Variants in PKN2 observed in about 807,000 individuals in gnomAD.
The protein encoded by PKN2 is serine/threonine-protein kinase N2.
A neutral mutation model predicts 119.1 loss-of-function variants in PKN2; 38 were observed. That is an observed-to-expected ratio of 0.32 (90% confidence interval 0.25 to 0.42). The LOEUF is 0.42. PKN2 is among the 10% of genes least tolerant of loss of function. The pLI is 1.00. For synonymous variants in PKN2, 390 were observed against 384.9 expected (o/e 1.01, Z -0.15); for missense variants, 850 against 1,165.1 (o/e 0.73, Z 3.94).
chr1:88,823,435 C>T (rs967503862), intron 17 of PKN2, among the ~76,000 whole-genome samples: 6 of 151,986 alleles, frequency 3.9e-5, no homozygotes, highest in Admixed American at 6.6e-5. Flanking sequence ...GGTGCAGTGG[C>T]TCATACCTGT....
chr1:88,760,646 GT>G lies in PKN2; in HGVS notation c.504+278del, dbSNP rs941013713. On this transcript the variant is annotated intron_variant, in intron 3 of 21. Transcript: ENST00000370521. Reference sequence around the variant, plus strand: ...TCCTTTTTCAGATATATTTAGTGCTGTTTTTTTTCACATTTTTGTGCTTTTA... The same window carrying G: ...TCCTTTTTCAGATATATTTAGTGCTGTTTTTTTCACATTTTTGTGCTTTTA... Among the ~76,000 whole-genome samples the G allele has an allele frequency of 1.2e-4, 18 of 151,444 alleles. 1 individual carries two copies. Among genetic ancestry groups the G allele is most frequent in the Admixed American group, 6.6e-4 (10 of 15,188 alleles).
At chr1:88,770,556 A>T in intron 4 of PKN2, 87 bp downstream of exon 4, 1 of 706,592 alleles carries the variant, frequency 1.4e-6, no homozygotes, top group Non-Finnish European at 2.5e-6. Flanking sequence ...CAAAGTTAAG[A>T]GGGAGGAAGC....
chr1:88,715,473 A>C lies in PKN2; in HGVS notation c.49-25515A>C, dbSNP rs377633398. ...TGTTATTGGTCTATTCAGGGATTCA[A>C]CTTCTTCCTGGTTTAGTCTTGGGAG... On this transcript the variant is annotated intron_variant, in intron 1 of 21. Coordinates refer to ENST00000370521, the MANE Select transcript of PKN2 (RefSeq NM_006256.4). Among the ~76,000 whole-genome samples, 51 of 152,228 alleles carry C rather than the reference A, an allele frequency of 3.4e-4. No individual in the cohort carries two copies. In the East Asian group the frequency reaches 4.1e-3, roughly 12 times the overall value.
At chr1:88,741,426 G>A in intron 2 of PKN2, 138 bp downstream of exon 2, 1 of 547,244 alleles carries the variant, frequency 1.8e-6, no homozygotes, top group Non-Finnish European at 3.0e-6. Context: ...TTTGGTTAAG[G>A]TCTTATTTAT....
rs769986492 is a variant in PKN2, at chr1:88,804,431, G to A, written c.1322G>A (p.Arg441Gln). 4 of 1,612,184 alleles carry A rather than the reference G, an allele frequency of 2.5e-6. No individual in the cohort carries two copies. Among genetic ancestry groups the A allele is most frequent in the East Asian group, 2.2e-5 (1 of 44,820 alleles). The change falls in exon 9 of 22, where the codon CGG (arginine) becomes CAG (glutamine). Residue 441 changes from arginine to glutamine, a missense_variant. Physicochemically the swap from Arg to Gln is conservative, Grantham distance 43. Around this residue, in one of 9 missense-constraint regions of PKN2, gnomAD observed 350 missense variants for 511.1 expected, o/e 0.68. Transcript: ENST00000370521. ...LEISVYWRDW[R>Q]SLCAVKFLRL... ...ATTTCAGTTTATTGGCGTGATTGGC[G>A]GTCTCTGTGTGCTGTAAAATTTCTG...
At chr1:88,768,547 G>A (rs1415023129) in intron 3 of PKN2, among the ~76,000 whole-genome samples, 4 of 152,110 alleles carry the variant, frequency 2.6e-5, no homozygotes, top group African/African-American at 9.7e-5. Context: ...TGGAAATCAA[G>A]GACAATCTCT....
At chr1:88,785,134 A>C (rs1670519141) in intron 7 of PKN2, among the ~76,000 whole-genome samples, 1 of 152,004 alleles carries the variant, frequency 6.6e-6, no homozygotes. Flanking sequence ...TCGTATCTTG[A>C]TTCTTTTATT....
intron 8 of PKN2, among the ~76,000 whole-genome samples, chr1:88,788,190 T>C (rs1420323971): frequency 6.6e-6 from 1 of 152,208 alleles, no homozygotes; most frequent in East Asian, 1.9e-4. Context: ...AGGATAATTC[T>C]AGAAATGATC....
intron 1 of PKN2, among the ~76,000 whole-genome samples, chr1:88,714,992 A>G (rs1667386889): frequency 1.3e-5 from 2 of 152,138 alleles, no homozygotes; most frequent in Admixed American, 1.3e-4. Flanking sequence ...AGCGCTGTTG[A>G]ATTTTGTCAA....
chr1:88,724,746 A>AT (rs1557567397), intron 1 of PKN2, among the ~76,000 whole-genome samples: 1 of 150,514 alleles, frequency 6.6e-6, no homozygotes, highest in African/African-American at 2.4e-5. Flanking sequence ...TAATTTTTGT[A>AT]TTTTTTAAGT....
intron 8 of PKN2, 49 bp from the exon 9 acceptor site, chr1:88,804,342 C>A: frequency 7.3e-7 from 1 of 1,377,654 alleles, no homozygotes; most frequent in Non-Finnish European, 1.0e-6. Context: ...AAGTGTGTGT[C>A]CAATGATGTC....
intron 6 of PKN2, chr1:88,781,225 C>G (rs185646715): frequency 9.2e-7 from 1 of 1,086,180 alleles, no homozygotes. Flanking sequence ...GTCTCATACT[C>G]CAGTTTCTTT....
chr1:88,808,573 G>T (rs905993864), intron 15 of PKN2, among the ~76,000 whole-genome samples: 1 of 152,038 alleles, frequency 6.6e-6, no homozygotes, highest in South Asian at 2.1e-4. Context: ...CAAAGTGCTG[G>T]GATTACAGGT....
intron 1 of PKN2, among the ~76,000 whole-genome samples, chr1:88,720,244 C>T (rs969734626): frequency 6.6e-6 from 1 of 152,130 alleles, no homozygotes; most frequent in African/African-American, 2.4e-5. Context: ...TGGTCTTGAA[C>T]TCCTGGGCTC....
intron 10 of PKN2, 59 bp from the exon 11 acceptor site, chr1:88,805,438 G>T: frequency 7.4e-7 from 1 of 1,352,804 alleles, no homozygotes; most frequent in Non-Finnish European, 1.0e-6. Context: ...TTTAAATTAT[G>T]ACTTTTGGTT....
intron 6 of PKN2, among the ~76,000 whole-genome samples, chr1:88,775,064 T>A (rs1016275382): frequency 6.6e-6 from 1 of 152,016 alleles, no homozygotes; most frequent in Non-Finnish European, 1.5e-5. Context: ...TAGATAGATA[T>A]ATATATTCTC....
chr1:88,769,257 G>A (rs549690976), intron 3 of PKN2, among the ~76,000 whole-genome samples: 25 of 152,196 alleles, frequency 1.6e-4, no homozygotes, highest in Middle Eastern at 3.4e-3. Context: ...TATTAAGAAG[G>A]TCTCATTTTT....
At chr1:88,730,677 A>G (rs1668112480) in intron 1 of PKN2, among the ~76,000 whole-genome samples, 1 of 152,100 alleles carries the variant, frequency 6.6e-6, no homozygotes, top group Non-Finnish European at 1.5e-5. Context: ...TTGTTTTTTA[A>G]GTGAGGATAA....
intron 1 of PKN2, among the ~76,000 whole-genome samples, chr1:88,685,811 A>G (rs1297597603): frequency 6.6e-6 from 1 of 152,198 alleles, no homozygotes; most frequent in African/African-American, 2.4e-5. Flanking sequence ...TTGATGTCAA[A>G]ATTAAGTATT....
Sources: allele counts gnomAD v4.1 joint callset (sites outside exome capture counted in the v4.1 genomes callset), GRCh38; gene constraint gnomAD v4.1.1; regional missense constraint gnomAD v4.1.1; transcripts MANE v1.5; gene names NCBI Gene and HGNC (gene_info 2026-07-23, HGNC 2026-07-21).